PCDH11X: variants seen among roughly 807,000 people sequenced by gnomAD.
The protein encoded by PCDH11X is protocadherin 11 X-linked.
In PCDH11X, 18 loss-of-function variants were observed where a neutral mutation model predicts 53.3. The observed-to-expected ratio is 0.34, with a 90% CI of 0.23 to 0.50. PCDH11X has a LOEUF of 0.50. Ranked by LOEUF, PCDH11X falls within the 20% of genes least tolerant of loss-of-function variation. The pLI, the probability that PCDH11X is intolerant of heterozygous loss-of-function variation, is 0.98. For missense variants in PCDH11X, 570 were observed against 1,032.4 expected (o/e 0.55, Z 6.14); for synonymous variants, 279 against 393.3 (o/e 0.71, Z 3.44).
chrX:92,358,749 A>C (rs768888316), intron 8 of PCDH11X, among the ~76,000 whole-genome samples: 1 of 104,174 alleles, frequency 9.6e-6, no homozygotes, highest in Non-Finnish European at 2.0e-5. Flanking sequence ...AAACAATAAT[A>C]TTTTATTCCA....
chrX:92,254,791 G>A (rs2067532726), intron 7 of PCDH11X, among the ~76,000 whole-genome samples: 5 of 109,459 alleles, frequency 4.6e-5, no homozygotes, highest in Admixed American at 1.0e-4. Flanking sequence ...TGGCTTGTAG[G>A]GTTTCTGCTG....
At chrX:92,012,642 T>C (rs1484591972) in intron 6 of PCDH11X, among the ~76,000 whole-genome samples, 2 of 111,566 alleles carry the variant, frequency 1.8e-5, no homozygotes, top group Non-Finnish European at 3.8e-5. Flanking sequence ...TTATAAAATC[T>C]CCGCCTAAAA....
chrX:92,607,125 G>A lies in PCDH11X; in HGVS notation c.3368-11139G>A, dbSNP rs763368595. On this transcript the variant is annotated intron_variant, in intron 10 of 10. Transcript: ENST00000682573. ...AAAACAATTTGGCAGTTCCTCAAAT[G>A]GTAAACAGAGTTGGTGTAAGACCCA... Among the ~76,000 whole-genome samples, 5 of 109,944 alleles carry A rather than the reference G, an allele frequency of 4.5e-5. No individual in the cohort carries two copies. In the East Asian group the frequency reaches 1.4e-3, roughly 32 times the overall value.
chrX:92,329,572 A>G (rs2069413548), intron 8 of PCDH11X, among the ~76,000 whole-genome samples: 1 of 112,003 alleles, frequency 8.9e-6, no homozygotes, highest in Non-Finnish European at 1.9e-5. Context: ...TTTGGAAGCA[A>G]CTTAAGTGTC....
At chrX:91,871,666 GCTCT>G (rs1182230715) in intron 5 of PCDH11X, among the ~76,000 whole-genome samples, 2 of 110,252 alleles carry the variant, frequency 1.8e-5, no homozygotes, top group African/African-American at 3.3e-5. Context: ...AAAATATATG[GCTCT>G]CTATTTGGCA....
At chrX:92,072,560 A>G (rs2063719045) in intron 6 of PCDH11X, among the ~76,000 whole-genome samples, 1 of 111,066 alleles carries the variant, frequency 9.0e-6, no homozygotes, top group African/African-American at 3.3e-5. Flanking sequence ...TTCCCTTTTG[A>G]CCCAGGATGT....
chrX:92,601,486 T>C (rs1224587223), intron 10 of PCDH11X, among the ~76,000 whole-genome samples: 5 of 90,308 alleles, frequency 5.5e-5, no homozygotes, highest in Non-Finnish European at 8.3e-5. Flanking sequence ...CTAAGGAAAA[T>C]GGTATGGTGA....
intron 8 of PCDH11X, among the ~76,000 whole-genome samples, chrX:92,364,653 CTT>C (rs1419098128): frequency 9.1e-6 from 1 of 110,155 alleles, no homozygotes; most frequent in Non-Finnish European, 1.9e-5. Context: ...TTCTATGACT[CTT>C]TTACCTCGTA....
chrX:92,548,053 TCTTC>T (rs2074888814), intron 10 of PCDH11X, among the ~76,000 whole-genome samples: 3 of 110,796 alleles, frequency 2.7e-5, no homozygotes, highest in African/African-American at 9.8e-5. Flanking sequence ...TGATCTGGTT[TCTTC>T]CTTCCTCACA....
At chrX:92,549,959 C>A (rs1008157602) in intron 10 of PCDH11X, among the ~76,000 whole-genome samples, 1 of 110,717 alleles carries the variant, frequency 9.0e-6, no homozygotes, top group African/African-American at 3.3e-5. Context: ...TATTCGAAAT[C>A]CTCTCTTCTA....
chrX:91,962,084 C>T (rs1187443994), intron 6 of PCDH11X, among the ~76,000 whole-genome samples: 1 of 104,396 alleles, frequency 9.6e-6, no homozygotes, highest in African/African-American at 3.5e-5. Flanking sequence ...TGTCATTCCA[C>T]CCCGGCCCCT....
In PCDH11X at chrX:92,017,886, A is replaced by G. The variant is rs1453912783; in HGVS notation, c.3033+138613A>G. Among the ~76,000 whole-genome samples the G allele has an allele frequency of 2.8e-5, 3 of 106,584 alleles. No individual in the cohort carries two copies. The Admixed American group carries it at 3.1e-4, about 11-fold the overall frequency. The allele number at this position is 106,584 out of a possible 115,157, so 92.6% of individuals were successfully genotyped here. ...TCAGATTAAAAAAAAAAAAAGCAAT[A>G]TCTATGAAGCACAACGAAATGAAGC... On this transcript the variant is annotated intron_variant, in intron 6 of 10. Coordinates refer to ENST00000682573, the MANE Select transcript of PCDH11X (RefSeq NM_032968.5).
chrX:91,938,997 T>C (rs1489985709), intron 6 of PCDH11X, among the ~76,000 whole-genome samples: 4 of 111,359 alleles, frequency 3.6e-5, no homozygotes, highest in Non-Finnish European at 5.7e-5. Context: ...GTGAACATAC[T>C]AATAAGCAGG....
intron 6 of PCDH11X, among the ~76,000 whole-genome samples, chrX:92,190,075 A>G (rs2066167755): frequency 9.0e-6 from 1 of 111,110 alleles, no homozygotes; most frequent in Non-Finnish European, 1.9e-5. Flanking sequence ...ATTAGATCCC[A>G]TTTTTCAATT....
At chrX:92,297,464 C>T (rs2068631691) in intron 8 of PCDH11X, among the ~76,000 whole-genome samples, 2 of 110,863 alleles carry the variant, frequency 1.8e-5, no homozygotes, top group Non-Finnish European at 3.8e-5. Flanking sequence ...TGTAGGTATG[C>T]GGCTTTATTT....
intron 6 of PCDH11X, among the ~76,000 whole-genome samples, chrX:92,171,088 A>G (rs1432612324): frequency 1.9e-5 from 2 of 104,476 alleles, no homozygotes; most frequent in Admixed American, 2.1e-4. Flanking sequence ...TATCAGTGCA[A>G]GCCGCTGTGT....
At position 91,785,216 on chromosome X, in the gene PCDH11X, C is replaced by G. The variant is rs1018452873; in HGVS notation, c.-379+5532C>G. On this transcript the variant is annotated intron_variant, in intron 1 of 10. Coordinates refer to ENST00000682573, the MANE Select transcript of PCDH11X (RefSeq NM_032968.5). ...TTCTTATTTTTATTCCCTCCTCCCCCCCTCCTCCTTTTTTTCTTTTTGCTT... is the reference window on the plus strand; with the variant it reads ...TTCTTATTTTTATTCCCTCCTCCCCGCCTCCTCCTTTTTTTCTTTTTGCTT... 3.0e-5 allele frequency among the ~76,000 whole-genome samples: 3 copies of G among 100,617 alleles called. No individual in the cohort carries two copies. In the Admixed American group the frequency reaches 3.2e-4, roughly 11 times the overall value. 87.4% of individuals were successfully genotyped at this position (100,617 alleles called of 115,157 possible). A position where few individuals can be genotyped will look rare whatever the true frequency, so the allele number is the denominator to read the frequency against.
Position 91,836,006 on chromosome X carries a change from G to A in PCDH11X, c.502G>A (p.Val168Ile), listed in dbSNP as rs750630182. The change falls in exon 5 of 11, where the codon GTA becomes ATA. Residue 168 changes from valine to isoleucine, a missense_variant. Around this residue, in one of 6 missense-constraint regions of PCDH11X, gnomAD observed 84 missense variants for 142.0 expected, o/e 0.59. Coordinates refer to ENST00000682573, the MANE Select transcript of PCDH11X (RefSeq NM_032968.5). ...TCTCCCAGCGGCTGTTGATCCTGACGTAGGAATAAACGGAGTTCAAAACTA... is the reference window on the plus strand; with the variant it reads ...TCTCCCAGCGGCTGTTGATCCTGACATAGGAATAAACGGAGTTCAAAACTA... ...YTLPAAVDPD[V>I]GINGVQNYEL... 6.6e-6 allele frequency: 8 copies of A among 1,208,772 alleles called. No individual in the cohort carries two copies. The African/African-American group carries it at 1.1e-4, about 16-fold the overall frequency.
At chrX:91,886,838 G>A (rs1292361521) in intron 6 of PCDH11X, among the ~76,000 whole-genome samples, 9 of 107,900 alleles carry the variant, frequency 8.3e-5, no homozygotes, top group African/African-American at 3.0e-4. Flanking sequence ...GGGCGTGGTG[G>A]CGGGCGCCTG....
Sources: gnomAD v4.1 joint callset for allele counts (sites outside exome capture counted in the v4.1 genomes callset) on GRCh38, gnomAD v4.1.1 for gene constraint, gnomAD v4.1.1 regional missense constraint, MANE v1.5 for transcripts, NCBI Gene and HGNC (gene_info 2026-07-23, HGNC 2026-07-21) for gene names.